The following MAST3 variants were observed in gnomAD, a reference collection of about 807,000 sequenced individuals.
MAST3 encodes the protein microtubule associated serine/threonine kinase 3.
Under a neutral mutation model 127.0 loss-of-function variants are expected in MAST3, and 43 were observed. The observed-to-expected ratio is 0.34, with a 90% CI of 0.27 to 0.44. The LOEUF is 0.44. MAST3 is among the 20% of genes least tolerant of loss of function. The pLI is 1.00. For synonymous variants in MAST3, 785 were observed against 809.2 expected (o/e 0.97, Z 0.51); for missense variants, 1,390 against 1,919.1 (o/e 0.72, Z 5.15).
intron 15 of MAST3, among the ~76,000 whole-genome samples, chr19:18,133,347 ACTGTGTAC>A (rs2041530094): frequency 1.3e-5 from 2 of 152,052 alleles, no homozygotes; most frequent in South Asian, 4.1e-4. Flanking sequence ...TTAGGCAATG[ACTGTGTAC>A]CTGGCCCAGA....
At chr19:18,102,360 G>A (rs2037710056) in intron 1 of MAST3, among the ~76,000 whole-genome samples, 1 of 151,510 alleles carries the variant, frequency 6.6e-6, no homozygotes, top group African/African-American at 2.4e-5. Context: ...TGTATTTTTA[G>A]TAGAGACGGG....
intron 3 of MAST3, among the ~76,000 whole-genome samples, chr19:18,115,462 G>A (rs566493339): frequency 2.6e-5 from 4 of 152,124 alleles, no homozygotes; most frequent in Admixed American, 1.3e-4. Context: ...GGCTCAGCAC[G>A]TAGTGACAGC....
rs1429832988 is a variant in MAST3, at chr19:18,124,020, G to A, written c.715G>A (p.Val239Ile). ...PGARLALADG[V>I]LGFIHHQIVE... ...CGCCCGGCTGGCGCTGGCTGATGGCGTCTTGGGCTTCATCCACCACCAGAT... is the reference window on the plus strand; with the variant it reads ...CGCCCGGCTGGCGCTGGCTGATGGCATCTTGGGCTTCATCCACCACCAGAT... The change falls in exon 9 of 28, where the codon GTC (valine) becomes ATC (isoleucine). Residue 239 changes from valine (V) to isoleucine (I), a missense_variant. By Grantham distance (29) the Val-to-Ile change is conservative. Around this residue, in one of 5 missense-constraint regions of MAST3, gnomAD observed 277 missense variants for 384.8 expected, o/e 0.72. Transcript: ENST00000687212. 5 of 1,600,270 alleles carry A rather than the reference G, an allele frequency of 3.1e-6. No individual in the cohort carries two copies. Among genetic ancestry groups the A allele is most frequent in the Admixed American group, 1.7e-5 (1 of 58,364 alleles).
chr19:18,104,830 T>TTG (rs1414440595), intron 1 of MAST3, among the ~76,000 whole-genome samples: 1 of 152,128 alleles, frequency 6.6e-6, no homozygotes, highest in Non-Finnish European at 1.5e-5. Flanking sequence ...TTATGACAGC[T>TTG]TCCATGGTCC....
intron 5 of MAST3, 87 bp downstream of exon 5, chr19:18,122,009 C>T (rs2040038550): frequency 1.3e-6 from 2 of 1,552,532 alleles, no homozygotes; most frequent in Middle Eastern, 1.8e-4. Context: ...AGACCTGGCT[C>T]CTCATTCATT....
At chr19:18,119,480 T>C (rs2039696678) in intron 3 of MAST3, among the ~76,000 whole-genome samples, 2 of 152,194 alleles carry the variant, frequency 1.3e-5, no homozygotes, top group South Asian at 4.1e-4. Flanking sequence ...CTGTGACTGT[T>C]GACATCTGTG....
At chr19:18,103,194 G>A (rs1358676332) in intron 1 of MAST3, among the ~76,000 whole-genome samples, 2 of 152,108 alleles carry the variant, frequency 1.3e-5, no homozygotes, top group Non-Finnish European at 2.9e-5. Context: ...TTCCCCGGGA[G>A]CCTTTGCAGG....
In MAST3 at chr19:18,137,336, T is replaced by C. The variant is rs541225; in HGVS notation, c.2070T>C (p.Ala690=). 0.94 allele frequency: 1,512,897 copies of C among 1,613,740 alleles called. 709,440 individuals carry two copies. The highest frequency in any genetic ancestry group is 0.96 in the East Asian group (43,111 of 44,858). The change falls in exon 19 of 28, where the codon GCT becomes GCC. Residue 690 remains alanine, a synonymous_variant. Transcript: ENST00000687212. ...HKAEFVPQLE[A]EDDTSYFDTR... Reference sequence around the variant, plus strand: ...CCGAGTTCGTGCCCCAGCTCGAAGCTGAGGATGATACCAGCTACTTTGACA... The same window carrying C: ...CCGAGTTCGTGCCCCAGCTCGAAGCCGAGGATGATACCAGCTACTTTGACA...
In MAST3 at chr19:18,142,147, A is replaced by C. The variant is rs1599877631; in HGVS notation, c.2339+132A>C. On this transcript the variant is annotated intron_variant, in intron 21 of 27. Transcript: ENST00000687212. Reference sequence around the variant, plus strand: ...GGTCAAACATATTGACCAGCCTATCAGGTCCCTGGCAACCTTGCTCCCTTT... The same window carrying C: ...GGTCAAACATATTGACCAGCCTATCCGGTCCCTGGCAACCTTGCTCCCTTT... 8.0e-6 allele frequency: 8 copies of C among 1,005,346 alleles called. No homozygotes were observed. In the East Asian group the frequency reaches 2.6e-4, roughly 33 times the overall value. 62.3% of individuals were successfully genotyped at this position (1,005,346 alleles called of 1,614,324 possible).
intron 6 of MAST3, 124 bp downstream of exon 6, chr19:18,122,875 T>C: frequency 9.6e-7 from 1 of 1,044,284 alleles, no homozygotes; most frequent in Non-Finnish European, 1.4e-6. Context: ...AGTTACTTCC[T>C]CCATGCACGC....
intron 3 of MAST3, among the ~76,000 whole-genome samples, chr19:18,116,562 T>C (rs972611122): frequency 9.5e-5 from 14 of 146,698 alleles, no homozygotes; most frequent in Non-Finnish European, 2.1e-4. Flanking sequence ...CCCAAAGTGC[T>C]GGGATTACAG....
chr19:18,147,055 G>A lies in MAST3; in HGVS notation c.3326+11G>A. On this transcript the variant is annotated intron_variant, in intron 26 of 27. Coordinates refer to ENST00000687212, the MANE Select transcript of MAST3 (RefSeq NM_001393504.1). ...GACCACCAGGGAGCGGTACACAGGG[G>A]GCGGGGCCACGGGGACTGGGGTTCT... 1.3e-6 allele frequency: 2 copies of A among 1,526,108 alleles called. No homozygotes were observed. Among genetic ancestry groups the A allele is most frequent in the African/African-American group, 1.4e-5 (1 of 71,594 alleles). 94.5% of individuals were successfully genotyped at this position (1,526,108 alleles called of 1,614,324 possible).
intron 1 of MAST3, among the ~76,000 whole-genome samples, chr19:18,106,841 G>A (rs932651906): frequency 3.3e-5 from 5 of 151,834 alleles, no homozygotes; most frequent in African/African-American, 1.2e-4. Context: ...AAAGCTCTGG[G>A]ATTACAGGTA....
intron 11 of MAST3, among the ~76,000 whole-genome samples, chr19:18,127,116 G>A (rs917756738): frequency 7.3e-5 from 11 of 151,562 alleles, no homozygotes; most frequent in African/African-American, 2.4e-4. Flanking sequence ...CAGGCGTGGC[G>A]GTGAATGCCT....
At chr19:18,133,750 C>T (rs62123603) in intron 15 of MAST3, among the ~76,000 whole-genome samples, 15,059 of 151,888 alleles carry the variant, frequency 0.099, 1,002 homozygotes, top group Non-Finnish European at 0.14. Flanking sequence ...GACGGGGTTT[C>T]ACCATGTTGG....
chr19:18,121,139 A>G (rs1287030640), intron 3 of MAST3, among the ~76,000 whole-genome samples: 1 of 152,092 alleles, frequency 6.6e-6, no homozygotes, highest in Non-Finnish European at 1.5e-5. Context: ...TACAGGGATG[A>G]GCCACTGTGC....
intron 3 of MAST3, among the ~76,000 whole-genome samples, chr19:18,119,244 G>A (rs536503133): frequency 6.6e-6 from 1 of 152,302 alleles, no homozygotes; most frequent in South Asian, 2.1e-4. Flanking sequence ...ACAGGAGGGA[G>A]GGCAACGAAG....
chr19:18,132,169 A>T (rs1568586267), intron 15 of MAST3, 122 bp downstream of exon 15: 1 of 1,350,390 alleles, frequency 7.4e-7, no homozygotes, highest in Non-Finnish European at 1.0e-6. Context: ...CAGGAGCCCC[A>T]TCTGTCTGAG....
At chr19:18,100,128 C>CTCTTTTT (rs776661078) in intron 1 of MAST3, among the ~76,000 whole-genome samples, 17 of 121,716 alleles carry the variant, frequency 1.4e-4, no homozygotes, top group East Asian at 8.0e-4. Context: ...CTCTCTCTCT[C>CTCTTTTT]TTTTTTTTTT....
Sources: allele counts gnomAD v4.1 joint callset (sites outside exome capture counted in the v4.1 genomes callset), GRCh38; gene constraint gnomAD v4.1.1; regional missense constraint gnomAD v4.1.1; transcripts MANE v1.5; gene names NCBI Gene and HGNC (gene_info 2026-07-23, HGNC 2026-07-21).